Variants in CHRM3 observed in about 807,000 individuals in gnomAD.
CHRM3 encodes cholinergic receptor muscarinic 3, also known as muscarinic acetylcholine receptor M3.
In CHRM3, 11 loss-of-function variants were observed where a neutral mutation model predicts 41.8. That is an observed-to-expected ratio of 0.26 (90% CI 0.17 to 0.44). The LOEUF is 0.44. Among genes scored for constraint, CHRM3 ranks in the 20% least tolerant of loss-of-function variants. The pLI is 1.00. For missense variants in CHRM3, 571 were observed against 745.4 expected, an observed-to-expected ratio of 0.77 and a Z score of 2.72; for synonymous variants, 297 against 301.4, an observed-to-expected ratio of 0.99 and a Z score of 0.15.
In CHRM3 at chr1:239,581,613, A is replaced by G. The variant is rs191114131; in HGVS notation, c.-313+35864A>G. Among the ~76,000 whole-genome samples, 841 of 152,278 alleles carry G rather than the reference A, an allele frequency of 5.5e-3. 5 individuals are homozygous for G. The highest frequency in any genetic ancestry group is 0.016 in the African/African-American group (660 of 41,552). On this transcript the variant is annotated intron_variant, in intron 3 of 6. Coordinates refer to ENST00000676153, the MANE Select transcript of CHRM3 (RefSeq NM_001375978.1). Reference sequence around the variant, plus strand: ...TATTAATTGAATATCATTTACCTTGATTAACTCTGTTTAGAATGGTTTATT... The same window carrying G: ...TATTAATTGAATATCATTTACCTTGGTTAACTCTGTTTAGAATGGTTTATT...
At chr1:239,562,079 T>C (rs1264584650) in intron 3 of CHRM3, among the ~76,000 whole-genome samples, 1 of 152,184 alleles carries the variant, frequency 6.6e-6, no homozygotes, top group Non-Finnish European at 1.5e-5. Flanking sequence ...TGACAATTGT[T>C]TTAATTGTCA....
chr1:239,850,144 TTTTG>T lies in CHRM3; in HGVS notation c.-20+22773_-20+22776del, dbSNP rs1272231349. ...AACATAAACAATGGATTGACACATA[TTTTG>T]TTTGTTATATTAACACATATTTTGT... On this transcript the variant is annotated intron_variant, in intron 6 of 6. Coordinates refer to ENST00000676153, the MANE Select transcript of CHRM3 (RefSeq NM_001375978.1). 2.6e-5 allele frequency among the ~76,000 whole-genome samples: 4 copies of T among 152,324 alleles called. No individual in the cohort carries two copies. In the East Asian group the frequency reaches 5.8e-4, roughly 22 times the overall value.
intron 5 of CHRM3, among the ~76,000 whole-genome samples, chr1:239,691,593 G>A (rs1022540724): frequency 3.3e-5 from 5 of 152,058 alleles, no homozygotes; most frequent in African/African-American, 7.2e-5. Flanking sequence ...TGGCCCTCAC[G>A]CCTATCTGGA....
At chr1:239,759,356 T>G (rs1197796778) in intron 5 of CHRM3, among the ~76,000 whole-genome samples, 3 of 150,912 alleles carry the variant, frequency 2.0e-5, no homozygotes, top group Non-Finnish European at 4.4e-5. Context: ...AAATTTTACC[T>G]AGGATTTTAT....
intron 6 of CHRM3, among the ~76,000 whole-genome samples, chr1:239,858,044 T>G (rs979281279): frequency 1.3e-5 from 2 of 152,206 alleles, no homozygotes; most frequent in African/African-American, 4.8e-5. Flanking sequence ...AATGTGTATG[T>G]GGTTCCTACT....
chr1:239,433,344 T>G (rs1196546176), intron 1 of CHRM3, among the ~76,000 whole-genome samples: 1 of 152,238 alleles, frequency 6.6e-6, no homozygotes, highest in Non-Finnish European at 1.5e-5. Flanking sequence ...TATTTTGCTC[T>G]AAGCACCTCC....
chr1:239,820,916 A>G (rs983778884), intron 5 of CHRM3, among the ~76,000 whole-genome samples: 14 of 152,226 alleles, frequency 9.2e-5, no homozygotes, highest in African/African-American at 2.2e-4. Flanking sequence ...TTAAATTTAT[A>G]TATTGTTCAC....
intron 6 of CHRM3, among the ~76,000 whole-genome samples, chr1:239,887,314 G>A (rs1036989572): frequency 2.0e-5 from 3 of 151,972 alleles, no homozygotes; most frequent in South Asian, 2.1e-4. Context: ...CGATTCTCCT[G>A]CCTCACCCTC....
At chr1:239,425,549 A>G (rs1226623071) in intron 1 of CHRM3, among the ~76,000 whole-genome samples, 1 of 152,160 alleles carries the variant, frequency 6.6e-6, no homozygotes, top group African/African-American at 2.4e-5. Flanking sequence ...GCATTAAGTT[A>G]TTTGACTTCA....
chr1:239,592,583 AGTATAGTATTTTCAAGGTTCATTCCT>A (rs1445614708), intron 3 of CHRM3, among the ~76,000 whole-genome samples: 2 of 152,104 alleles, frequency 1.3e-5, no homozygotes, highest in African/African-American at 4.8e-5. Flanking sequence ...TCTTTCACTT[AGTATAGTATTTTCAAGGTTCATTCCT>A]GTTGTAGCAT....
intron 2 of CHRM3, among the ~76,000 whole-genome samples, chr1:239,500,706 AAC>A (rs1668181033): frequency 1.4e-5 from 2 of 146,604 alleles, no homozygotes; most frequent in African/African-American, 4.9e-5. Context: ...AAGAAAAAAA[AAC>A]ACAAACAACA....
chr1:239,607,790 T>C (rs950895808), intron 3 of CHRM3, among the ~76,000 whole-genome samples: 9 of 152,154 alleles, frequency 5.9e-5, no homozygotes, highest in African/African-American at 2.2e-4. Flanking sequence ...ATTTGAAGTC[T>C]TTTTTTAATG....
intron 5 of CHRM3, among the ~76,000 whole-genome samples, chr1:239,747,819 G>A (rs1183672434): frequency 6.6e-6 from 1 of 152,078 alleles, no homozygotes; most frequent in Non-Finnish European, 1.5e-5. Context: ...ATCACTTGAG[G>A]CCAAGAGTTC....
At chr1:239,757,581 G>T (rs1963402) in intron 5 of CHRM3, among the ~76,000 whole-genome samples, 1 of 150,516 alleles carries the variant, frequency 6.6e-6, no homozygotes, top group South Asian at 2.1e-4. Context: ...AGTGAGCCGA[G>T]ATCGCGCCAC....
intron 6 of CHRM3, among the ~76,000 whole-genome samples, chr1:239,846,047 T>C (rs1304097286): frequency 6.6e-6 from 1 of 152,172 alleles, no homozygotes; most frequent in African/African-American, 2.4e-5. Context: ...TGTATCTCCA[T>C]AGGCTTATCT....
In CHRM3 at chr1:239,775,913, G is replaced by A. The variant is rs564357989; in HGVS notation, c.-146-51339G>A. 5.9e-5 allele frequency among the ~76,000 whole-genome samples: 9 copies of A among 152,292 alleles called. No homozygotes were observed. The South Asian group carries it at 1.5e-3, about 25-fold the overall frequency. ...AATTCAGCTGTAAGGAGAATTTCTG[G>A]GAAAGATTGATTTGATTATAGTGTA... is the stretch of plus-strand genomic sequence containing the variant. On this transcript the variant is annotated intron_variant, in intron 5 of 6. Transcript: ENST00000676153.
intron 5 of CHRM3, among the ~76,000 whole-genome samples, chr1:239,808,499 G>A (rs1006192895): frequency 1.3e-5 from 2 of 152,102 alleles, no homozygotes; most frequent in African/African-American, 2.4e-5. Context: ...ACTCCTGTGC[G>A]AGTGATCTTT....
intron 5 of CHRM3, among the ~76,000 whole-genome samples, chr1:239,819,538 C>A (rs1363646155): frequency 6.6e-6 from 1 of 151,992 alleles, no homozygotes; most frequent in Non-Finnish European, 1.5e-5. Flanking sequence ...TTTAAGCAAT[C>A]GGGGAAATTT....
chr1:239,437,621 C>T (rs1553301403), intron 1 of CHRM3, among the ~76,000 whole-genome samples: 3 of 152,202 alleles, frequency 2.0e-5, no homozygotes, highest in Non-Finnish European at 4.4e-5. Flanking sequence ...ACTGCAATCT[C>T]TGCCTCCCGA....
Sources: gnomAD v4.1 joint callset for allele counts (sites outside exome capture counted in the v4.1 genomes callset) on GRCh38, gnomAD v4.1.1 for gene constraint, MANE v1.5 for transcripts, NCBI Gene and HGNC (gene_info 2026-07-23, HGNC 2026-07-21) for gene names.